Variants in PCNX1 observed in about 807,000 individuals in gnomAD.
PCNX1 encodes pecanex-like protein 1.
Under a neutral mutation model 242.2 loss-of-function variants are expected in PCNX1, and 78 were observed. The observed-to-expected ratio is 0.32, with a 90% CI of 0.27 to 0.39. The LOEUF (loss-of-function observed/expected upper bound fraction) is 0.39. PCNX1 is among the 10% of genes least tolerant of loss of function. PCNX1 has a pLI of 1.00. For synonymous variants in PCNX1, 1,024 were observed against 1,032.9 expected (o/e 0.99, Z 0.17); for missense variants, 2,581 against 2,856.5 (o/e 0.90, Z 2.20).
At chr14:70,988,775 A>C in intron 7 of PCNX1, 76 bp downstream of exon 7, 1 of 1,480,812 alleles carries the variant, frequency 6.8e-7, no homozygotes, top group Middle Eastern at 1.8e-4. Flanking sequence ...GTCCCAAGAA[A>C]GCATTTGAAG....
chr14:71,082,437 T>G (rs1456483729), intron 28 of PCNX1, among the ~76,000 whole-genome samples: 2 of 152,182 alleles, frequency 1.3e-5, no homozygotes, highest in African/African-American at 4.8e-5. Context: ...CTCGCTGATC[T>G]AATATTGACA....
intron 1 of PCNX1, among the ~76,000 whole-genome samples, chr14:70,934,732 T>A (rs963897856): frequency 6.6e-6 from 1 of 152,228 alleles, no homozygotes; most frequent in Non-Finnish European, 1.5e-5. Flanking sequence ...GTAGTCAGAT[T>A]TATAGAAACA....
In PCNX1 at chr14:70,978,575, C is replaced by A. The variant is rs1338767356; in HGVS notation, c.2238C>A (p.Val746=). Residue 746 remains valine, a synonymous_variant, in exon 6 of 36, where the codon GTC becomes GTA. Transcript: ENST00000304743. The part of the protein sequence containing the change: ...LLGRASQLET[V]TRSRNSLPNQ... Reference sequence around the variant, plus strand: ...GACGGGCTTCCCAGTTAGAGACAGTCACTCGATCTAGGAATAGCTTGCCAA... The same window carrying A: ...GACGGGCTTCCCAGTTAGAGACAGTAACTCGATCTAGGAATAGCTTGCCAA... The A allele has an allele frequency of 1.9e-6, 3 of 1,614,024 alleles. No homozygotes were observed. Among genetic ancestry groups the A allele is most frequent in the Non-Finnish European group, 2.5e-6 (3 of 1,179,936 alleles).
intron 1 of PCNX1, among the ~76,000 whole-genome samples, chr14:70,909,212 C>T (rs2055715405): frequency 6.6e-6 from 1 of 151,688 alleles, no homozygotes; most frequent in African/African-American, 2.4e-5. Context: ...TGCACATTCT[C>T]AAGCAGATTC....
At chr14:71,109,319 A>T in intron 34 of PCNX1, 133 bp from the exon 35 acceptor site, 5 of 881,294 alleles carry the variant, frequency 5.7e-6, no homozygotes, top group Non-Finnish European at 8.6e-6. Context: ...TGTAGCTCTT[A>T]AGATTTTTTT....
At chr14:70,962,804 A>G (rs1368314803) in intron 3 of PCNX1, among the ~76,000 whole-genome samples, 1 of 152,206 alleles carries the variant, frequency 6.6e-6, no homozygotes, top group Non-Finnish European at 1.5e-5. Context: ...TAAAATGGTA[A>G]CTCTTGAAGT....
At chr14:71,012,110 A>C (rs1392498131) in intron 10 of PCNX1, 1 of 152,922 alleles carries the variant, frequency 6.5e-6, no homozygotes, top group East Asian at 1.9e-4. Context: ...TAGTATAGTA[A>C]TTTGTATAGC....
chr14:70,958,518 C>T (rs986722018), intron 2 of PCNX1, among the ~76,000 whole-genome samples: 1 of 152,154 alleles, frequency 6.6e-6, no homozygotes, highest in Non-Finnish European at 1.5e-5. Flanking sequence ...CAGGATGCAA[C>T]GTTTCAAACT....
chr14:70,955,721 C>G (rs1399530697), intron 2 of PCNX1, among the ~76,000 whole-genome samples: 1 of 152,146 alleles, frequency 6.6e-6, no homozygotes, highest in African/African-American at 2.4e-5. Context: ...TTGCTGCAAA[C>G]CTGCAAGTCT....
At chr14:70,958,908 T>TTA (rs1270429191) in intron 2 of PCNX1, among the ~76,000 whole-genome samples, 1 of 142,656 alleles carries the variant, frequency 7.0e-6, no homozygotes, top group Admixed American at 7.0e-5. Context: ...CTTTTTTTTT[T>TTA]TTTTTTTTTT....
intron 26 of PCNX1, among the ~76,000 whole-genome samples, chr14:71,065,873 C>T (rs918456688): frequency 2.0e-5 from 3 of 152,174 alleles, no homozygotes; most frequent in African/African-American, 7.2e-5. Context: ...AATAGGGAGT[C>T]CTTTCCCCAT....
intron 8 of PCNX1, among the ~76,000 whole-genome samples, chr14:71,001,300 T>C (rs1595194656): frequency 1.3e-5 from 2 of 152,194 alleles, no homozygotes; most frequent in East Asian, 1.9e-4. Context: ...AATGGAATTA[T>C]CGGTCAAGGG....
At position 71,071,822 on chromosome 14, in the gene PCNX1, T is replaced by C. The variant is rs140596267; in HGVS notation, c.4853-1723T>C. 8.9e-3 allele frequency among the ~76,000 whole-genome samples: 1,356 copies of C among 152,310 alleles called. 9 individuals carry two copies. Among genetic ancestry groups the C allele is most frequent in the South Asian group, 0.017 (81 of 4,824 alleles). On this transcript the variant is annotated intron_variant, in intron 26 of 35. Coordinates refer to ENST00000304743, the MANE Select transcript of PCNX1 (RefSeq NM_014982.3). Reference sequence around the variant, plus strand: ...CTAGCATTTGATTTGAAGTGAGACATGCAACTGTTTCTTTACTTAAACACT... The same window carrying C: ...CTAGCATTTGATTTGAAGTGAGACACGCAACTGTTTCTTTACTTAAACACT...
Position 70,977,207 on chromosome 14 carries a change from T to C in PCNX1, c.870T>C (p.Ala290=). ...PRGVPRTSSS[A]VAFPDTSLND... ...GTGTACCACGGACTTCTAGCTCTGC[T>C]GTGGCTTTTCCAGACACTTCACTGA... Residue 290 remains alanine (A), a synonymous_variant, in exon 6 of 36, where the codon GCT becomes GCC. Transcript: ENST00000304743. 6.2e-7 allele frequency: 1 copy of C among 1,614,248 alleles called. No homozygotes were observed. The highest frequency in any genetic ancestry group is 8.5e-7 in the Non-Finnish European group (1 of 1,180,048).
chr14:71,073,404 A>G, intron 26 of PCNX1, 141 bp from the exon 27 acceptor site: 3 of 791,058 alleles, frequency 3.8e-6, no homozygotes, highest in Admixed American at 5.2e-5. Flanking sequence ...CAATTTGTTA[A>G]TGAATATTCT....
chr14:70,994,396 G>GATATAGATATATATATAT (rs1555357280), intron 7 of PCNX1, among the ~76,000 whole-genome samples: 4 of 96,970 alleles, frequency 4.1e-5, no homozygotes, highest in South Asian at 4.1e-4. Context: ...ACAGGCTTAA[G>GATATAGATATATATATAT]ATATATATAT....
intron 6 of PCNX1, among the ~76,000 whole-genome samples, chr14:70,980,848 C>T (rs1218864758): frequency 6.6e-6 from 1 of 152,110 alleles, no homozygotes; most frequent in Non-Finnish European, 1.5e-5. Context: ...ACTGCTTGGC[C>T]ATTCATATAC....
At chr14:71,009,753 T>C (rs1191145365) in intron 9 of PCNX1, 29 bp downstream of exon 9, 2 of 1,271,812 alleles carry the variant, frequency 1.6e-6, no homozygotes, top group South Asian at 2.7e-5. Context: ...TAGGAGTGTG[T>C]GTACTTTCAT....
intron 2 of PCNX1, among the ~76,000 whole-genome samples, chr14:70,952,506 T>G (rs1231150522): frequency 6.6e-6 from 1 of 152,222 alleles, no homozygotes; most frequent in Non-Finnish European, 1.5e-5. Context: ...TAGATATTCC[T>G]GAATATATTT....
Sources: allele counts gnomAD v4.1 joint callset (sites outside exome capture counted in the v4.1 genomes callset), GRCh38; gene constraint gnomAD v4.1.1; transcripts MANE v1.5; gene names NCBI Gene and HGNC (gene_info 2026-07-23, HGNC 2026-07-21).